SLC5A4: variants seen among roughly 807,000 people sequenced by gnomAD.
SLC5A4 encodes solute carrier family 5 member 4.
Under a neutral mutation model 70.3 loss-of-function variants are expected in SLC5A4, and 55 were observed. The ratio of observed to expected loss-of-function variants is 0.78; its 90% confidence interval spans 0.63 to 0.98. The LOEUF is 0.98. Ranked by LOEUF, SLC5A4 falls within the 50% of genes least tolerant of loss-of-function variation. SLC5A4 has a pLI of 0.00. For synonymous variants in SLC5A4, 268 were observed against 305.7 expected (o/e 0.88, Z 1.29); for missense variants, 735 against 839.2 (o/e 0.88, Z 1.53).
At chr22:32,332,083 C>T in the SLC5A4 span, among the ~76,000 whole-genome samples, 2 of 152,178 alleles carry the variant, frequency 1.3e-5, no homozygotes, top group East Asian at 1.9e-4. Flanking sequence ...CTGGTGCCGG[C>T]CCCTCCCCAC....
the SLC5A4 span, among the ~76,000 whole-genome samples, chr22:32,278,854 A>G: frequency 2.0e-5 from 3 of 152,270 alleles, no homozygotes; most frequent in Admixed American, 6.5e-5. Flanking sequence ...AAACAAGATT[A>G]CAGATCAAGT....
chr22:32,338,332 G>A, the SLC5A4 span, among the ~76,000 whole-genome samples: 1 of 152,012 alleles, frequency 6.6e-6, no homozygotes, highest in African/African-American at 2.4e-5. Flanking sequence ...AAATGAAAGT[G>A]GTTTATCTCA....
At chr22:32,322,224 G>A in the SLC5A4 span, among the ~76,000 whole-genome samples, 2 of 152,158 alleles carry the variant, frequency 1.3e-5, no homozygotes, top group Admixed American at 6.5e-5. Context: ...AGTGAAAAAG[G>A]GAAGCGCGTC....
rs765052623 is a variant in SLC5A4, at chr22:32,229,303, T to C, written c.1171A>G (p.Met391Val). ...TTGAAGATGGAGGTCAGGGAGCTCATGAGAGAGGCCAGCATGACCGAAAGC... is the reference window on the plus strand; with the variant it reads ...TTGAAGATGGAGGTCAGGGAGCTCACGAGAGAGGCCAGCATGACCGAAAGC... ...LMLSVMLASLMSSLTSIFNSA... is the reference protein window; with the variant it reads ...LMLSVMLASLVSSLTSIFNSA... Residue 391 changes from methionine (M) to valine (V), a missense_variant, in exon 11 of 15, where the codon ATG becomes GTG. Coordinates refer to ENST00000266086, the MANE Select transcript of SLC5A4 (RefSeq NM_014227.3). The C allele has an allele frequency of 2.1e-5, 34 of 1,614,048 alleles. No homozygotes were observed. The highest frequency in any genetic ancestry group is 2.9e-5 in the Non-Finnish European group (34 of 1,180,036).
In SLC5A4 at chr22:32,231,084, G is replaced by GA. The variant is rs1429670574; in HGVS notation, c.1022-10dup. 4 of 1,579,950 alleles carry GA rather than the reference G, an allele frequency of 2.5e-6. No homozygotes were observed. The highest frequency in any genetic ancestry group is 3.5e-6 in the Non-Finnish European group (4 of 1,149,092). ...CACACATGCTACCATATCTGGGGAA[G>GA]AATTCAGAAGTGAGTCCAATGAGGC... On this transcript the variant is annotated splice_polypyrimidine_tract_variant and intron_variant, in intron 9 of 14. Coordinates refer to ENST00000266086, the MANE Select transcript of SLC5A4 (RefSeq NM_014227.3).
At chr22:32,223,413 A>C (rs1270312939) in intron 13 of SLC5A4, among the ~76,000 whole-genome samples, 1 of 152,222 alleles carries the variant, frequency 6.6e-6, no homozygotes, top group Admixed American at 6.5e-5. Context: ...ACAGTTTTGG[A>C]CTGTGGGAAT....
chr22:32,220,988 G>A lies in SLC5A4; in HGVS notation c.1700C>T (p.Thr567Ile), dbSNP rs749479789. The A allele has an allele frequency of 1.9e-5, 31 of 1,613,874 alleles. No individual in the cohort carries two copies. The highest frequency in any genetic ancestry group is 2.6e-5 in the Non-Finnish European group (31 of 1,179,836). ...YRLCWVLRNS[T>I]EERIDIDAEE... ...TGCATCTATATCGATTCGCTCCTCT[G>A]TACTGTTCCGAAGAACCCAGCACAG... The change falls in exon 14 of 15, where the codon ACA (threonine) becomes ATA (isoleucine). Residue 567 changes from threonine (T) to isoleucine (I), a missense_variant. Thr to Ile is a moderately conservative substitution (Grantham distance 89). Coordinates refer to ENST00000266086, the MANE Select transcript of SLC5A4 (RefSeq NM_014227.3).
At chr22:32,226,874 G>T (rs975058698) in intron 11 of SLC5A4, among the ~76,000 whole-genome samples, 1 of 152,052 alleles carries the variant, frequency 6.6e-6, no homozygotes, top group Non-Finnish European at 1.5e-5. Context: ...ACTCCTGCTT[G>T]TTCTCAAACA....
the SLC5A4 span, among the ~76,000 whole-genome samples, chr22:32,263,221 C>G: frequency 6.6e-6 from 1 of 151,904 alleles, no homozygotes; most frequent in Non-Finnish European, 1.5e-5. Flanking sequence ...GTTGCGCAGG[C>G]TGGTCTCAAA....
At chr22:32,255,142 T>G in intron 1 of SLC5A4, 53 bp downstream of exon 1, 1 of 1,512,600 alleles carries the variant, frequency 6.6e-7, no homozygotes, top group Non-Finnish European at 9.2e-7. Context: ...CCCCTTAAGA[T>G]ACCCCCTCCT....
At chr22:32,248,144 G>A (rs905456424) in intron 4 of SLC5A4, among the ~76,000 whole-genome samples, 1 of 152,152 alleles carries the variant, frequency 6.6e-6, no homozygotes, top group African/African-American at 2.4e-5. Context: ...CAATAGGCCA[G>A]GTGAAGGGCA....
At chr22:32,245,905 G>A (rs76819573) in intron 5 of SLC5A4, among the ~76,000 whole-genome samples, 2,154 of 152,318 alleles carry the variant, frequency 0.014, 19 homozygotes, top group South Asian at 0.027. Flanking sequence ...TTTAAGAGAC[G>A]TGTGAACTCT....
Position 32,218,601 on chromosome 22 carries a change from A to G in SLC5A4, c.1893T>C (p.Ser631=), listed in dbSNP as rs780964137. 11 of 1,613,838 alleles carry G rather than the reference A, an allele frequency of 6.8e-6. No homozygotes were observed. The highest frequency in any genetic ancestry group is 9.3e-6 in the Non-Finnish European group (11 of 1,179,970). ...EALSKKLTDT[S]ERPSWRTIVN... is the part of the protein sequence containing the mutation. ...CTATTGTCCTCCACGAGGGCCTCTC[A>G]GACGTGTCTGTGAGCTTCTTGCTCA... Residue 631 remains serine, a synonymous_variant, in exon 15 of 15, where the codon TCT becomes TCC. Coordinates refer to ENST00000266086, the MANE Select transcript of SLC5A4 (RefSeq NM_014227.3).
the SLC5A4 span, among the ~76,000 whole-genome samples, chr22:32,338,318 T>A: frequency 6.6e-6 from 1 of 150,942 alleles, no homozygotes; most frequent in African/African-American, 2.5e-5. Context: ...GAAATACAGT[T>A]AACAAATGAA....
At chr22:32,342,496 C>T in the SLC5A4 span, among the ~76,000 whole-genome samples, 89 of 151,916 alleles carry the variant, frequency 5.9e-4, no homozygotes, top group African/African-American at 2.0e-3. Flanking sequence ...CAAAAACAAC[C>T]CAAAATTTCT....
chr22:32,228,542 C>CA (rs34283566), intron 11 of SLC5A4, among the ~76,000 whole-genome samples: 74,518 of 145,610 alleles, frequency 0.51, 20,117 homozygotes, highest in African/African-American at 0.72. Context: ...AACTCTGTCT[C>CA]AAAAAAAAAA....
chr22:32,242,971 C>T (rs1926622542), intron 5 of SLC5A4, among the ~76,000 whole-genome samples: 1 of 152,074 alleles, frequency 6.6e-6, no homozygotes, highest in Admixed American at 6.5e-5. Context: ...TGAAGAGGAA[C>T]TGGATATTTC....
chr22:32,224,590 A>G (rs1925285392), intron 12 of SLC5A4, 108 bp from the exon 13 acceptor site: 1 of 852,414 alleles, frequency 1.2e-6, no homozygotes, highest in Non-Finnish European at 1.9e-6. Flanking sequence ...GGACCAACAA[A>G]TGGCTAACCT....
the SLC5A4 span, among the ~76,000 whole-genome samples, chr22:32,291,860 TTTA>T: frequency 0.48 from 67,594 of 142,062 alleles, 16,419 homozygotes; most frequent in Admixed American, 0.51. Context: ...ATATATATAA[TTTA>T]TTTTTCTTTT....
Sources: gnomAD v4.1 joint callset for allele counts (sites outside exome capture counted in the v4.1 genomes callset) on GRCh38, gnomAD v4.1.1 for gene constraint, MANE v1.5 for transcripts, NCBI Gene and HGNC (gene_info 2026-07-23, HGNC 2026-07-21) for gene names.